Variants in ANTXR1 observed in about 807,000 individuals in gnomAD.
ANTXR1 encodes the protein ANTXR cell adhesion molecule 1.
ANTXR1 carries 19 observed loss-of-function variants against 78.1 expected under a neutral mutation model. The observed-to-expected ratio is 0.24, with a 90% CI of 0.17 to 0.36. The LOEUF is 0.36. ANTXR1 is among the 10% of genes least tolerant of loss of function. The pLI is 1.00. For synonymous variants in ANTXR1, 273 were observed against 260.5 expected, an observed-to-expected ratio of 1.05 and a Z score of -0.46; for missense variants, 518 against 718.6, an observed-to-expected ratio of 0.72 and a Z score of 3.19.
intron 8 of ANTXR1, among the ~76,000 whole-genome samples, chr2:69,086,499 A>G (rs939027058): frequency 1.3e-5 from 2 of 152,228 alleles, no homozygotes; most frequent in Non-Finnish European, 1.5e-5. Flanking sequence ...GAAACAACAC[A>G]TGACAATTAT....
At chr2:69,024,233 T>C (rs1473894383) in intron 1 of ANTXR1, among the ~76,000 whole-genome samples, 1 of 152,208 alleles carries the variant, frequency 6.6e-6, no homozygotes, top group East Asian at 1.9e-4. Context: ...ATGCTGAGTC[T>C]GAACATGTAG....
At chr2:69,128,583 A>G (rs1460390710) in intron 12 of ANTXR1, among the ~76,000 whole-genome samples, 1 of 152,190 alleles carries the variant, frequency 6.6e-6, no homozygotes. Context: ...GGCCAAATTC[A>G]TCCAGAAAAG....
chr2:69,075,083 C>T (rs550687238), intron 6 of ANTXR1, among the ~76,000 whole-genome samples: 17 of 152,262 alleles, frequency 1.1e-4, no homozygotes, highest in Middle Eastern at 3.4e-3. Context: ...ACAAAATATG[C>T]TGACGTTTAT....
Position 69,172,996 on chromosome 2 carries a change from C to T in ANTXR1, c.1089+2707C>T, listed in dbSNP as rs868493482. Among the ~76,000 whole-genome samples the T allele has an allele frequency of 5.9e-5, 9 of 152,286 alleles. No individual in the cohort carries two copies. The Middle Eastern group carries it at 0.02, about 345-fold the overall frequency. On this transcript the variant is annotated intron_variant, in intron 14 of 17. Transcript: ENST00000303714. ...TGCAGTAATGGAGCACTTCATGTGA[C>T]GGTTTTGTTCTGCATGTAATCACCT...
At chr2:69,044,076 C>T (rs1669686444) in intron 2 of ANTXR1, among the ~76,000 whole-genome samples, 1 of 152,142 alleles carries the variant, frequency 6.6e-6, no homozygotes, top group Admixed American at 6.6e-5. Context: ...GTGCTTCTGT[C>T]TCCAGAGTGT....
Position 69,170,693 on chromosome 2 carries a change from A to G in ANTXR1, c.1089+404A>G, listed in dbSNP as rs1466843800. Among the ~76,000 whole-genome samples, 3 of 152,184 alleles carry G rather than the reference A, an allele frequency of 2.0e-5. No individual in the cohort carries two copies. In the East Asian group the frequency reaches 5.8e-4, roughly 29 times the overall value. On this transcript the variant is annotated intron_variant, in intron 14 of 17. Transcript: ENST00000303714. ...CAGGCACAGTTTGCTACATTCTCCA[A>G]TCATTGGTTCTAGGAATAACCTGAT...
Position 69,215,938 on chromosome 2 carries a change from A to G in ANTXR1, c.1434+22523A>G, listed in dbSNP as rs374121509. On this transcript the variant is annotated intron_variant, in intron 17 of 17. Coordinates refer to ENST00000303714, the MANE Select transcript of ANTXR1 (RefSeq NM_032208.3). ...ACCACTGAGAAAATGGAAGCCAGTCATTTACACTTAAGAAGACAATTTGAT... is the reference window on the plus strand; with the variant it reads ...ACCACTGAGAAAATGGAAGCCAGTCGTTTACACTTAAGAAGACAATTTGAT... 2.3e-4 allele frequency among the ~76,000 whole-genome samples: 35 copies of G among 152,352 alleles called. 1 individual carries two copies. The East Asian group carries it at 3.7e-3, about 16-fold the overall frequency.
At chr2:69,216,170 G>A (rs1428821300) in intron 17 of ANTXR1, among the ~76,000 whole-genome samples, 5 of 152,198 alleles carry the variant, frequency 3.3e-5, no homozygotes, top group Admixed American at 3.3e-4. Context: ...CAATTTTTAA[G>A]AACCAATTAA....
In ANTXR1 at chr2:69,248,801, A is replaced by G. The variant is rs1161948829; in HGVS notation, c.*3316A>G. On this transcript the variant is annotated 3_prime_UTR_variant, in exon 18 of 18. Transcript: ENST00000303714. ...AAAAAAAAAATTAATGCTGTGTAAA[A>G]TGGTTGAATTAGTTTGCAAACTATA... 5.3e-5 allele frequency: 8 copies of G among 152,238 alleles called. No individual in the cohort carries two copies. Among genetic ancestry groups the G allele is most frequent in the African/African-American group, 1.9e-4 (8 of 41,458 alleles). 9.4% of individuals were successfully genotyped at this position (152,238 alleles called of 1,614,324 possible).
chr2:69,100,190 G>A (rs1671561254), intron 9 of ANTXR1, among the ~76,000 whole-genome samples: 1 of 152,214 alleles, frequency 6.6e-6, no homozygotes, highest in Admixed American at 6.5e-5. Flanking sequence ...TGGTTCTAAT[G>A]TGTCCTGGTT....
At chr2:69,184,229 C>T (rs1674365201) in intron 16 of ANTXR1, among the ~76,000 whole-genome samples, 1 of 152,182 alleles carries the variant, frequency 6.6e-6, no homozygotes, top group Admixed American at 6.5e-5. Context: ...GTTACCTTTC[C>T]TCAGCTGAGC....
intron 12 of ANTXR1, among the ~76,000 whole-genome samples, chr2:69,144,576 CAGAG>C: frequency 6.6e-6 from 1 of 152,312 alleles, no homozygotes; most frequent in East Asian, 1.9e-4. Context: ...GGGGAGAATC[CAGAG>C]AAAGACCTTT....
At chr2:69,127,099 G>T (rs1457547467) in intron 12 of ANTXR1, among the ~76,000 whole-genome samples, 2 of 152,136 alleles carry the variant, frequency 1.3e-5, no homozygotes, top group African/African-American at 4.8e-5. Flanking sequence ...TGTGTGATGG[G>T]GGAAGGGAAG....
chr2:69,070,403 T>A (rs1219895286), intron 3 of ANTXR1, among the ~76,000 whole-genome samples: 1 of 152,168 alleles, frequency 6.6e-6, no homozygotes, highest in African/African-American at 2.4e-5. Flanking sequence ...AAGGAAAGTG[T>A]TTACAAGCAG....
intron 16 of ANTXR1, among the ~76,000 whole-genome samples, chr2:69,184,563 G>C (rs1479269665): frequency 6.6e-6 from 1 of 152,182 alleles, no homozygotes; most frequent in Non-Finnish European, 1.5e-5. Context: ...GTTACAGCCA[G>C]GTTTTTGTTT....
intron 3 of ANTXR1, among the ~76,000 whole-genome samples, chr2:69,051,688 A>G (rs1669938495): frequency 6.6e-6 from 1 of 152,016 alleles, no homozygotes. Context: ...TAAATATTTT[A>G]TATTTTTGTT....
At chr2:69,219,746 G>A (rs1675272605) in intron 17 of ANTXR1, among the ~76,000 whole-genome samples, 1 of 152,164 alleles carries the variant, frequency 6.6e-6, no homozygotes, top group Admixed American at 6.5e-5. Flanking sequence ...TTTGTCCTCT[G>A]TTTTTAACAA....
At chr2:69,060,018 C>T (rs994538718) in intron 3 of ANTXR1, among the ~76,000 whole-genome samples, 1 of 152,108 alleles carries the variant, frequency 6.6e-6, no homozygotes, top group African/African-American at 2.4e-5. Context: ...GTGATTAAAC[C>T]ATCCCTCTTG....
At chr2:69,222,368 C>CA (rs1675340417) in intron 17 of ANTXR1, among the ~76,000 whole-genome samples, 1 of 152,076 alleles carries the variant, frequency 6.6e-6, no homozygotes, top group Non-Finnish European at 1.5e-5. Flanking sequence ...CTTAAAAGGC[C>CA]AGTGTTCAAT....
Sources: allele counts gnomAD v4.1 joint callset (sites outside exome capture counted in the v4.1 genomes callset), GRCh38; gene constraint gnomAD v4.1.1; transcripts MANE v1.5; gene names NCBI Gene and HGNC (gene_info 2026-07-23, HGNC 2026-07-21).